The following PDE11A variants were observed in gnomAD, a reference collection of about 807,000 sequenced individuals.
PDE11A encodes the protein dual 3',5'-cyclic-AMP and -GMP phosphodiesterase 11A.
A neutral mutation model predicts 100.5 loss-of-function variants in PDE11A; 100 were observed. The observed-to-expected ratio is 1.00, with a 90% CI of 0.85 to 1.18. The LOEUF (loss-of-function observed/expected upper bound fraction) is 1.18, where lower values mean the gene tolerates loss of function less well. PDE11A is among the 50% of genes most tolerant of loss of function. The pLI is 0.00. For synonymous variants in PDE11A, 381 were observed against 420.8 expected, an observed-to-expected ratio of 0.91 and a Z score of 1.16; for missense variants, 1,141 against 1,152.6, an observed-to-expected ratio of 0.99 and a Z score of 0.15.
chr2:177,873,703 C>G (rs2084183365), intron 5 of PDE11A, among the ~76,000 whole-genome samples: 1 of 152,190 alleles, frequency 6.6e-6, no homozygotes, highest in South Asian at 2.1e-4. Flanking sequence ...TGGAAATGAA[C>G]TGATTTACTT....
intron 2 of PDE11A, among the ~76,000 whole-genome samples, chr2:177,939,927 CTT>C (rs2085326789): frequency 6.6e-6 from 1 of 152,140 alleles, no homozygotes; most frequent in Non-Finnish European, 1.5e-5. Context: ...AACAAATAAA[CTT>C]ATAAAATTTT....
At chr2:178,043,120 T>C (rs2086704135) in intron 1 of PDE11A, among the ~76,000 whole-genome samples, 1 of 152,144 alleles carries the variant, frequency 6.6e-6, no homozygotes. Flanking sequence ...TATACTATTA[T>C]ATTATATCTG....
intron 19 of PDE11A, among the ~76,000 whole-genome samples, chr2:177,652,461 A>T (rs2080325184): frequency 6.6e-6 from 1 of 152,078 alleles, no homozygotes; most frequent in Non-Finnish European, 1.5e-5. Flanking sequence ...GGAAGGAGAG[A>T]GAGGAGGTGG....
At chr2:177,936,026 G>A (rs2085268105) in intron 2 of PDE11A, among the ~76,000 whole-genome samples, 1 of 152,080 alleles carries the variant, frequency 6.6e-6, no homozygotes, top group Non-Finnish European at 1.5e-5. Context: ...ACTCTTTTGG[G>A]AAATTCAATG....
chr2:177,769,488 A>G (rs2082282613), intron 9 of PDE11A, 115 bp from the exon 10 acceptor site: 1 of 673,688 alleles, frequency 1.5e-6, no homozygotes, highest in African/African-American at 1.8e-5. Context: ...TTAAAGGTGG[A>G]CTTTAATGTA....
chr2:177,674,629 C>T lies in PDE11A; in HGVS notation c.2487+826G>A, dbSNP rs527508286. 4.9e-4 allele frequency among the ~76,000 whole-genome samples: 74 copies of T among 152,240 alleles called. 1 individual carries two copies. Among genetic ancestry groups the T allele is most frequent in the Admixed American group, 3.5e-3 (53 of 15,294 alleles). On this transcript the variant is annotated intron_variant, in intron 17 of 19. Coordinates refer to ENST00000286063, the MANE Select transcript of PDE11A (RefSeq NM_016953.4). Reference sequence around the variant, plus strand: ...TTTGCAAAGATACTCTTTCCTTTCACGGTAATGTTTACAGGTTCCAGAGAT... The same window carrying T: ...TTTGCAAAGATACTCTTTCCTTTCATGGTAATGTTTACAGGTTCCAGAGAT...
At chr2:178,006,271 T>C (rs1481208262) in intron 2 of PDE11A, among the ~76,000 whole-genome samples, 1 of 152,222 alleles carries the variant, frequency 6.6e-6, no homozygotes, top group Non-Finnish European at 1.5e-5. Flanking sequence ...AGACAAAGAA[T>C]AATCACTTTT....
chr2:177,813,442 G>A (rs1187749121), intron 9 of PDE11A, among the ~76,000 whole-genome samples: 1 of 152,054 alleles, frequency 6.6e-6, no homozygotes, highest in Non-Finnish European at 1.5e-5. Context: ...GTGGCTGTTT[G>A]GGAGAAAAAA....
chr2:177,928,203 C>T (rs2085157605), intron 2 of PDE11A, among the ~76,000 whole-genome samples: 1 of 150,678 alleles, frequency 6.6e-6, no homozygotes, highest in Admixed American at 6.6e-5. Flanking sequence ...AATCACTTGA[C>T]AGAATGTAAA....
chr2:177,747,474 T>A (rs1227678575), intron 10 of PDE11A, among the ~76,000 whole-genome samples: 1 of 152,200 alleles, frequency 6.6e-6, no homozygotes, highest in African/African-American at 2.4e-5. Flanking sequence ...CACAGGGAGT[T>A]TGCTGTGGAG....
intron 19 of PDE11A, among the ~76,000 whole-genome samples, chr2:177,640,545 A>G (rs1442402727): frequency 6.6e-6 from 1 of 152,252 alleles, no homozygotes; most frequent in Non-Finnish European, 1.5e-5. Flanking sequence ...CTTCAGAGAC[A>G]GGTAGCCAAT....
At chr2:178,021,459 T>G (rs1454203091) in intron 1 of PDE11A, among the ~76,000 whole-genome samples, 1 of 152,148 alleles carries the variant, frequency 6.6e-6, no homozygotes, top group Non-Finnish European at 1.5e-5. Flanking sequence ...AGATTAATCT[T>G]CCAATTAAAA....
At chr2:177,870,295 T>C in intron 5 of PDE11A, among the ~76,000 whole-genome samples, 1 of 152,244 alleles carries the variant, frequency 6.6e-6, no homozygotes, top group East Asian at 1.9e-4. Flanking sequence ...TTCTACGTTT[T>C]TCTGCAAAAC....
rs139154996 is a variant in PDE11A at position 177,817,934 on chromosome 2, A to T, written c.1577-9T>A. The T allele has an allele frequency of 2.1e-4, 280 of 1,344,948 alleles. 1 individual carries two copies. The African/African-American group carries it at 4.0e-3, about 19-fold the overall frequency. 83.3% of individuals were successfully genotyped at this position (1,344,948 alleles called of 1,614,324 possible). A position where few individuals can be genotyped will look rare whatever the true frequency, so the allele number is the denominator to read the frequency against. Reference sequence around the variant, plus strand: ...TAACACTTGAGCCACTCCTATGGGGAAAGAGTGGATTATGTGGTCATTTTT... The same window carrying T: ...TAACACTTGAGCCACTCCTATGGGGTAAGAGTGGATTATGTGGTCATTTTT... On this transcript the variant is annotated splice_polypyrimidine_tract_variant and intron_variant, in intron 7 of 19. Coordinates refer to ENST00000286063, the MANE Select transcript of PDE11A (RefSeq NM_016953.4).
At chr2:177,994,453 A>T (rs1246434158) in intron 2 of PDE11A, among the ~76,000 whole-genome samples, 1 of 152,234 alleles carries the variant, frequency 6.6e-6, no homozygotes, top group African/African-American at 2.4e-5. Flanking sequence ...TGAACCACAA[A>T]AAGCACAGAG....
At chr2:178,097,664 C>T (rs1460919175) in intron 2 of PDE11A, among the ~76,000 whole-genome samples, 1 of 152,146 alleles carries the variant, frequency 6.6e-6, no homozygotes, top group African/African-American at 2.4e-5. Context: ...AAAACAGAAA[C>T]ATATAAATGA....
chr2:177,770,000 G>T (rs1188791294), intron 9 of PDE11A, among the ~76,000 whole-genome samples: 2 of 151,868 alleles, frequency 1.3e-5, no homozygotes, highest in Non-Finnish European at 2.9e-5. Flanking sequence ...TAGAGCATGT[G>T]TGTGCGATCT....
intron 1 of PDE11A, among the ~76,000 whole-genome samples, chr2:178,063,345 A>C (rs913072775): frequency 1.3e-5 from 2 of 152,192 alleles, no homozygotes; most frequent in African/African-American, 4.8e-5. Flanking sequence ...TGTGTTAAAC[A>C]GTACCTAGGA....
At chr2:177,870,408 C>T (rs563571925) in intron 5 of PDE11A, among the ~76,000 whole-genome samples, 4 of 152,294 alleles carry the variant, frequency 2.6e-5, no homozygotes, top group Middle Eastern at 3.4e-3. Context: ...ACGTACAATA[C>T]ACAATTGAAC....
Sources: allele counts gnomAD v4.1 joint callset (sites outside exome capture counted in the v4.1 genomes callset), GRCh38; gene constraint gnomAD v4.1.1; transcripts MANE v1.5; gene names NCBI Gene and HGNC (gene_info 2026-07-23, HGNC 2026-07-21).